The following GRIA2 variants were observed in gnomAD, a reference collection of about 807,000 sequenced individuals.
GRIA2 encodes glutamate ionotropic receptor AMPA type subunit 2.
In GRIA2, 14 loss-of-function variants were observed where a neutral mutation model predicts 97.3. The ratio of observed to expected loss-of-function variants is 0.14; its 90% CI spans 0.10 to 0.23. The LOEUF (loss-of-function observed/expected upper bound fraction) is 0.23. Among genes scored for constraint, GRIA2 ranks in the 10% least tolerant of loss-of-function variants. GRIA2 has a pLI of 1.00. For missense variants in GRIA2, 558 were observed against 1,069.8 expected (o/e 0.52, Z 6.67); for synonymous variants, 412 against 387.8 (o/e 1.06, Z -0.73).
At chr4:157,231,803 T>C (rs1730031360) in intron 2 of GRIA2, among the ~76,000 whole-genome samples, 1 of 152,220 alleles carries the variant, frequency 6.6e-6, no homozygotes, top group Non-Finnish European at 1.5e-5. Flanking sequence ...TTCTATTTCC[T>C]TAACACCTAA....
chr4:157,248,367 A>G (rs1160191919), intron 2 of GRIA2, among the ~76,000 whole-genome samples: 2 of 150,332 alleles, frequency 1.3e-5, no homozygotes, highest in Admixed American at 1.3e-4. Flanking sequence ...AATACAAAAT[A>G]TTAAATACAA....
chr4:157,329,845 CTT>C (rs1734970618), intron 6 of GRIA2, among the ~76,000 whole-genome samples: 1 of 151,944 alleles, frequency 6.6e-6, no homozygotes, highest in African/African-American at 2.4e-5. Context: ...GGACTCAAGA[CTT>C]TTCCTTGCAA....
At chr4:157,273,244 A>G (rs755664175) in intron 2 of GRIA2, among the ~76,000 whole-genome samples, 26 of 152,052 alleles carry the variant, frequency 1.7e-4, no homozygotes, top group Non-Finnish European at 2.5e-4. Context: ...ATATTTTGGT[A>G]TCTCCTTGGG....
chr4:157,329,037 G>A (rs927344257), intron 6 of GRIA2, among the ~76,000 whole-genome samples: 19 of 151,810 alleles, frequency 1.3e-4, no homozygotes, highest in South Asian at 6.2e-4. Flanking sequence ...AATTAAAGAC[G>A]ACCTTATCAC....
chr4:157,341,703 A>C (rs771113956), intron 12 of GRIA2, among the ~76,000 whole-genome samples: 1 of 152,174 alleles, frequency 6.6e-6, no homozygotes, highest in Non-Finnish European at 1.5e-5. Flanking sequence ...TCTGTTTTAC[A>C]AAAATTGATT....
intron 2 of GRIA2, among the ~76,000 whole-genome samples, chr4:157,263,272 A>C (rs191677968): frequency 6.6e-6 from 1 of 152,200 alleles, no homozygotes; most frequent in Admixed American, 6.6e-5. Flanking sequence ...CAAAGCAATA[A>C]GCAGACACTA....
At chr4:157,296,678 A>G (rs538638191) in intron 2 of GRIA2, among the ~76,000 whole-genome samples, 4 of 152,126 alleles carry the variant, frequency 2.6e-5, no homozygotes, top group Non-Finnish European at 4.4e-5. Context: ...GGAAACATAG[A>G]GCTGGGCTTC....
intron 2 of GRIA2, among the ~76,000 whole-genome samples, chr4:157,259,156 A>G (rs969443107): frequency 2.0e-5 from 3 of 152,074 alleles, no homozygotes; most frequent in Non-Finnish European, 4.4e-5. Context: ...TGAGCCCAGG[A>G]GGTTGAGACT....
chr4:157,251,931 TAAC>T (rs1731038484), intron 2 of GRIA2, among the ~76,000 whole-genome samples: 2 of 152,118 alleles, frequency 1.3e-5, no homozygotes, highest in African/African-American at 2.4e-5. Flanking sequence ...ATCTACAAAA[TAAC>T]AATCATTTTC....
intron 12 of GRIA2, among the ~76,000 whole-genome samples, chr4:157,342,882 C>T (rs1735607218): frequency 6.6e-6 from 1 of 152,022 alleles, no homozygotes; most frequent in Non-Finnish European, 1.5e-5. Context: ...CAGTTATTAC[C>T]TTGTTTGGAC....
intron 2 of GRIA2, among the ~76,000 whole-genome samples, chr4:157,258,857 C>G (rs566498695): frequency 6.6e-6 from 1 of 151,954 alleles, no homozygotes; most frequent in Non-Finnish European, 1.5e-5. Context: ...TTATCGGGGG[C>G]GGGTTCCCCC....
At chr4:157,261,114 T>G (rs921915296) in intron 2 of GRIA2, among the ~76,000 whole-genome samples, 2 of 152,086 alleles carry the variant, frequency 1.3e-5, no homozygotes, top group Non-Finnish European at 2.9e-5. Context: ...AATGGATTCA[T>G]AGTTCCATAT....
chr4:157,228,525 G>A (rs1243145778), intron 2 of GRIA2, among the ~76,000 whole-genome samples: 1 of 152,146 alleles, frequency 6.6e-6, no homozygotes. Context: ...AGGCTCAGTG[G>A]CTCATGCCTG....
chr4:157,335,609 C>T, intron 9 of GRIA2, 62 bp from the exon 10 acceptor site: 1 of 973,428 alleles, frequency 1.0e-6, no homozygotes, highest in Non-Finnish European at 1.6e-6. Flanking sequence ...AGATTTGATT[C>T]AATGAGAGTA....
chr4:157,240,340 T>C (rs560521475), intron 2 of GRIA2, among the ~76,000 whole-genome samples: 14 of 152,288 alleles, frequency 9.2e-5, no homozygotes, highest in African/African-American at 2.9e-4. Context: ...CAATATCAAT[T>C]ATGTTCTAAT....
At chr4:157,279,305 A>C (rs1732488933) in intron 2 of GRIA2, among the ~76,000 whole-genome samples, 1 of 152,142 alleles carries the variant, frequency 6.6e-6, no homozygotes, top group Admixed American at 6.6e-5. Context: ...ACATGGAAGA[A>C]ACTTTATTGT....
At position 157,231,554 on chromosome 4, in the gene GRIA2, T is replaced by G. The variant is rs78589213; in HGVS notation, c.229+9747T>G. On this transcript the variant is annotated intron_variant, in intron 2 of 15. Coordinates refer to ENST00000264426, the MANE Select transcript of GRIA2 (RefSeq NM_001083619.3). ...TCTGGGCTGGCAAAAAAGCCATCCTTGAAAATTATGAGGTAAAATACTGAC... is the reference window on the plus strand; with the variant it reads ...TCTGGGCTGGCAAAAAAGCCATCCTGGAAAATTATGAGGTAAAATACTGAC... 6.9e-3 allele frequency among the ~76,000 whole-genome samples: 1,044 copies of G among 152,300 alleles called. 4 individuals carry two copies. The highest frequency in any genetic ancestry group is 0.014 in the Middle Eastern group (4 of 294).
intron 2 of GRIA2, among the ~76,000 whole-genome samples, chr4:157,280,859 A>G (rs923404108): frequency 2.0e-5 from 3 of 152,034 alleles, no homozygotes; most frequent in African/African-American, 7.2e-5. Context: ...ATTCTGAACT[A>G]TTTAGTAACA....
At chr4:157,275,105 T>C (rs2126798225) in intron 2 of GRIA2, among the ~76,000 whole-genome samples, 1 of 152,292 alleles carries the variant, frequency 6.6e-6, no homozygotes, top group Admixed American at 6.5e-5. Flanking sequence ...GATTTGCATT[T>C]CTCTGATGGC....
Sources: gnomAD v4.1 joint callset for allele counts (sites outside exome capture counted in the v4.1 genomes callset) on GRCh38, gnomAD v4.1.1 for gene constraint, MANE v1.5 for transcripts, NCBI Gene and HGNC (gene_info 2026-07-23, HGNC 2026-07-21) for gene names.